The following TBC1D14 variants were observed in gnomAD, a reference collection of about 807,000 sequenced individuals.
TBC1D14 encodes the protein TBC1 domain family, member 14.
A neutral mutation model predicts 79.0 loss-of-function variants in TBC1D14; 26 were observed. The observed-to-expected ratio is 0.33, with a 90% CI of 0.24 to 0.46. The LOEUF (loss-of-function observed/expected upper bound fraction) is 0.46, where lower values mean the gene tolerates loss of function less well. TBC1D14 is among the 20% of genes least tolerant of loss of function. The pLI is 1.00. For synonymous variants in TBC1D14, 394 were observed against 349.9 expected (o/e 1.13, Z -1.40); for missense variants, 769 against 887.6 (o/e 0.87, Z 1.70).
At chr4:7,008,764 A>G (rs1009392302) in intron 9 of TBC1D14, among the ~76,000 whole-genome samples, 3 of 152,238 alleles carry the variant, frequency 2.0e-5, no homozygotes, top group African/African-American at 7.2e-5. Context: ...CACCAAAGTG[A>G]GATGGAAGGA....
intron 12 of TBC1D14, among the ~76,000 whole-genome samples, chr4:7,017,578 A>T (rs969928906): frequency 1.8e-4 from 27 of 152,210 alleles, no homozygotes; most frequent in African/African-American, 5.8e-4. Context: ...AGAGTAAATG[A>T]AAAGGAAGTG....
chr4:6,986,281 C>T (rs1458566474), intron 3 of TBC1D14, among the ~76,000 whole-genome samples: 1 of 152,128 alleles, frequency 6.6e-6, no homozygotes, highest in Non-Finnish European at 1.5e-5. Context: ...TTCTGGTTGG[C>T]GTGGACAATG....
intron 12 of TBC1D14, among the ~76,000 whole-genome samples, chr4:7,015,448 G>A (rs1473245037): frequency 6.6e-6 from 1 of 152,156 alleles, no homozygotes; most frequent in African/African-American, 2.4e-5. Flanking sequence ...TAGTGGATTT[G>A]ACTTCAGATG....
intron 1 of TBC1D14, among the ~76,000 whole-genome samples, chr4:6,916,698 C>T (rs1723427412): frequency 6.6e-6 from 1 of 152,180 alleles, no homozygotes; most frequent in Non-Finnish European, 1.5e-5. Flanking sequence ...AGTCTTGTGA[C>T]AGGTAAATAC....
At chr4:6,972,163 A>G (rs1267984037) in intron 3 of TBC1D14, among the ~76,000 whole-genome samples, 2 of 152,208 alleles carry the variant, frequency 1.3e-5, no homozygotes, top group Non-Finnish European at 2.9e-5. Flanking sequence ...GCCTCTGAGT[A>G]GATCCATCCT....
At chr4:6,960,640 A>C (rs1389858494) in intron 2 of TBC1D14, among the ~76,000 whole-genome samples, 3 of 152,162 alleles carry the variant, frequency 2.0e-5, no homozygotes, top group Non-Finnish European at 4.4e-5. Flanking sequence ...ATTAAAAAAT[A>C]ATAATATGTT....
intron 2 of TBC1D14, among the ~76,000 whole-genome samples, chr4:6,955,170 T>C (rs1396596073): frequency 1.3e-5 from 2 of 152,242 alleles, no homozygotes; most frequent in African/African-American, 4.8e-5. Flanking sequence ...CTGGCCCTTT[T>C]CCCTTGCATT....
At chr4:7,010,894 A>T (rs1720696434) in intron 11 of TBC1D14, 113 bp downstream of exon 11, 1 of 1,319,726 alleles carries the variant, frequency 7.6e-7, no homozygotes, top group Non-Finnish European at 1.0e-6. Flanking sequence ...CTGTGAAGAG[A>T]TGTTTAGAGT....
At chr4:6,970,830 CAAG>C (rs1265339782) in intron 3 of TBC1D14, among the ~76,000 whole-genome samples, 2 of 144,410 alleles carry the variant, frequency 1.4e-5, no homozygotes, top group Non-Finnish European at 3.0e-5. Context: ...GGACCTGCCT[CAAG>C]GAGCCCGTGG....
intron 3 of TBC1D14, among the ~76,000 whole-genome samples, chr4:6,988,369 A>G (rs1428517192): frequency 1.3e-5 from 2 of 152,236 alleles, no homozygotes; most frequent in African/African-American, 4.8e-5. Context: ...GCTGGTTCTC[A>G]TTTAATCTTC....
chr4:6,987,451 G>C (rs1717977537), intron 3 of TBC1D14: 1 of 1,146,568 alleles, frequency 8.7e-7, no homozygotes, highest in African/African-American at 1.6e-5. Context: ...GCCCCGCGCA[G>C]GTGGAGGGTG....
chr4:6,995,215 T>G (rs554939912), intron 4 of TBC1D14: 1 of 152,204 alleles, frequency 6.6e-6, no homozygotes, highest in African/African-American at 2.4e-5. Context: ...ACCAAGATGC[T>G]TAGAACTAAG....
At chr4:6,978,148 C>T (rs1464439918) in intron 3 of TBC1D14, among the ~76,000 whole-genome samples, 1 of 149,352 alleles carries the variant, frequency 6.7e-6, no homozygotes, top group African/African-American at 2.5e-5. Context: ...GGCTAGCCGC[C>T]CCGTCCGGGA....
chr4:6,945,996 C>T (rs1176652405), intron 2 of TBC1D14, among the ~76,000 whole-genome samples: 1 of 152,104 alleles, frequency 6.6e-6, no homozygotes, highest in Admixed American at 6.6e-5. Context: ...GTGACTCTAG[C>T]ACGCAGAGGG....
At position 6,929,242 on chromosome 4, in the gene TBC1D14, G is replaced by A. The variant is rs144869433; in HGVS notation, c.722+5131G>A. On this transcript the variant is annotated intron_variant, in intron 2 of 13. Transcript: ENST00000409757. ...GGCTTAGTGTCCTTGTTTGCAGAAT[G>A]AGCTGAGGGGTACGTACTTTACATT... is the stretch of plus-strand genomic sequence containing the variant. 3.6e-3 allele frequency among the ~76,000 whole-genome samples: 548 copies of A among 152,254 alleles called. 3 individuals are homozygous for A. Among genetic ancestry groups the A allele is most frequent in the African/African-American group, 0.012 (497 of 41,550 alleles).
chr4:6,965,871 ATAAGATTAAC>A (rs1715657353), intron 2 of TBC1D14, among the ~76,000 whole-genome samples: 1 of 152,192 alleles, frequency 6.6e-6, no homozygotes, highest in African/African-American at 2.4e-5. Context: ...TTTCTCCGGC[ATAAGATTAAC>A]TATTTTGCTT....
intron 12 of TBC1D14, among the ~76,000 whole-genome samples, chr4:7,024,301 G>T (rs920514381): frequency 1.7e-4 from 26 of 152,178 alleles, no homozygotes; most frequent in African/African-American, 5.1e-4. Flanking sequence ...CACTTTCTCT[G>T]TGCCAGCACA....
intron 2 of TBC1D14, among the ~76,000 whole-genome samples, chr4:6,953,751 G>A (rs930133169): frequency 6.6e-6 from 1 of 152,068 alleles, no homozygotes; most frequent in Admixed American, 6.5e-5. Flanking sequence ...AATCCAGAGC[G>A]ATGGTTCTAG....
intron 3 of TBC1D14, among the ~76,000 whole-genome samples, chr4:6,977,248 GTGCCTGCGAT>G (rs1716830074): frequency 1.4e-5 from 2 of 147,400 alleles, no homozygotes; most frequent in Non-Finnish European, 3.0e-5. Context: ...AGCCTGCCGA[GTGCCTGCGAT>G]TGCAGGTGCG....
Sources: gnomAD v4.1 joint callset for allele counts (sites outside exome capture counted in the v4.1 genomes callset) on GRCh38, gnomAD v4.1.1 for gene constraint, MANE v1.5 for transcripts, NCBI Gene and HGNC (gene_info 2026-07-23, HGNC 2026-07-21) for gene names.